Variants in MBNL1 observed in about 807,000 individuals in gnomAD.
MBNL1 encodes the protein muscleblind like splicing regulator 1.
A neutral mutation model predicts 42.2 loss-of-function variants in MBNL1; 8 were observed. The ratio of observed to expected loss-of-function variants is 0.19; its 90% CI spans 0.11 to 0.34. MBNL1 has a LOEUF of 0.34. MBNL1 is among the 10% of genes least tolerant of loss of function. The probability of loss-of-function intolerance (pLI) is 1.00; values close to 1 mark genes in which losing one functional copy is unlikely to be tolerated. For missense variants in MBNL1, 309 were observed against 495.3 expected (o/e 0.62, Z 3.57); for synonymous variants, 169 against 173.9 (o/e 0.97, Z 0.22).
intron 2 of MBNL1, among the ~76,000 whole-genome samples, chr3:152,328,523 A>G (rs1049810245): frequency 3.3e-5 from 5 of 152,210 alleles, no homozygotes. Flanking sequence ...ATTTGAGATT[A>G]GGGTTGAGGC....
At chr3:152,401,530 G>A (rs938770087) in intron 2 of MBNL1, among the ~76,000 whole-genome samples, 1 of 152,156 alleles carries the variant, frequency 6.6e-6, no homozygotes, top group Non-Finnish European at 1.5e-5. Flanking sequence ...TACTCTAGGA[G>A]CTACTGTTTC....
intron 8 of MBNL1, chr3:152,458,958 T>G: frequency 6.2e-6 from 1 of 160,514 alleles, no homozygotes; most frequent in Non-Finnish European, 1.3e-5. Context: ...CGGGGGTGCG[T>G]GTGTGTGTGT....
chr3:152,390,189 A>T (rs943500880), intron 2 of MBNL1, among the ~76,000 whole-genome samples: 1 of 151,740 alleles, frequency 6.6e-6, no homozygotes, highest in African/African-American at 2.4e-5. Flanking sequence ...TTGTAATAAC[A>T]CTTAGCTTAA....
At chr3:152,314,611 G>A (rs2069423434) in intron 2 of MBNL1, among the ~76,000 whole-genome samples, 1 of 152,130 alleles carries the variant, frequency 6.6e-6, no homozygotes, top group South Asian at 2.1e-4. Flanking sequence ...CCAACCTCAG[G>A]CGATCCGCCT....
intron 3 of MBNL1, among the ~76,000 whole-genome samples, chr3:152,419,280 C>T (rs1027362207): frequency 3.9e-5 from 6 of 151,944 alleles, no homozygotes; most frequent in Non-Finnish European, 4.4e-5. Context: ...TGGAATTGCC[C>T]GGGCAAGATG....
At chr3:152,450,756 C>T (rs1349488370) in intron 6 of MBNL1, among the ~76,000 whole-genome samples, 1 of 152,130 alleles carries the variant, frequency 6.6e-6, no homozygotes, top group African/African-American at 2.4e-5. Flanking sequence ...ACACAGTAGC[C>T]CTGACATACA....
intron 2 of MBNL1, among the ~76,000 whole-genome samples, chr3:152,314,037 T>C (rs1449748205): frequency 1.3e-5 from 2 of 152,206 alleles, no homozygotes; most frequent in African/African-American, 2.4e-5. Flanking sequence ...TACTTGATAT[T>C]TCAAATGCTG....
chr3:152,304,912 ATT>A (rs1410199461), intron 2 of MBNL1, among the ~76,000 whole-genome samples: 2 of 152,170 alleles, frequency 1.3e-5, no homozygotes, highest in Non-Finnish European at 2.9e-5. Context: ...TTTTTAGACT[ATT>A]AGATAAATTG....
At chr3:152,270,610 A>G (rs912620527) in intron 1 of MBNL1, among the ~76,000 whole-genome samples, 9 of 152,224 alleles carry the variant, frequency 5.9e-5, no homozygotes, top group Admixed American at 1.3e-4. Context: ...GTGCAGTTCA[A>G]TACTTAGAAT....
intron 2 of MBNL1, among the ~76,000 whole-genome samples, chr3:152,403,464 G>A (rs1432869010): frequency 6.6e-6 from 1 of 152,016 alleles, no homozygotes; most frequent in Non-Finnish European, 1.5e-5. Context: ...TTATTTGTAT[G>A]TTTATTGTTA....
intron 2 of MBNL1, among the ~76,000 whole-genome samples, chr3:152,369,802 G>A (rs1220765843): frequency 1.3e-5 from 2 of 152,150 alleles, no homozygotes; most frequent in Non-Finnish European, 2.9e-5. Flanking sequence ...TTGCATAGAC[G>A]TATTTATAGC....
At chr3:152,366,766 T>C (rs1431067918) in intron 2 of MBNL1, among the ~76,000 whole-genome samples, 2 of 152,174 alleles carry the variant, frequency 1.3e-5, no homozygotes, top group Non-Finnish European at 2.9e-5. Flanking sequence ...GTTGTTTTTG[T>C]TGTGAAAATT....
intron 2 of MBNL1, among the ~76,000 whole-genome samples, chr3:152,395,814 G>T (rs756125298): frequency 6.6e-6 from 1 of 152,222 alleles, no homozygotes; most frequent in Non-Finnish European, 1.5e-5. Flanking sequence ...TGCCTAGCGG[G>T]AATGTTCACA....
chr3:152,298,819 A>T (rs2059655228), intron 1 of MBNL1, among the ~76,000 whole-genome samples: 1 of 152,184 alleles, frequency 6.6e-6, no homozygotes, highest in Non-Finnish European at 1.5e-5. Flanking sequence ...TCAGGACAGC[A>T]GGAGCAGGCT....
intron 2 of MBNL1, among the ~76,000 whole-genome samples, chr3:152,376,454 T>C (rs1450622302): frequency 6.6e-6 from 1 of 152,196 alleles, no homozygotes; most frequent in Non-Finnish European, 1.5e-5. Context: ...AAAAAGAAGC[T>C]CTTGAGAGTG....
intron 2 of MBNL1, among the ~76,000 whole-genome samples, chr3:152,390,080 G>A (rs2097638047): frequency 6.6e-6 from 1 of 151,382 alleles, no homozygotes; most frequent in Non-Finnish European, 1.5e-5. Flanking sequence ...ATATTGGCCA[G>A]GCTGGTCTCG....
chr3:152,273,894 G>T lies in MBNL1; in HGVS notation c.-790+4802G>T, dbSNP rs376461147. ...CCTGTGAAGTGTGAACATACAATTT[G>T]TATGTAACGCATGCATGAGCATATA... On this transcript the variant is annotated intron_variant, in intron 1 of 9. Coordinates refer to ENST00000324210, the MANE Select transcript of MBNL1 (RefSeq NM_021038.5). Among the ~76,000 whole-genome samples the T allele has an allele frequency of 5.5e-4, 83 of 152,252 alleles. No individual in the cohort carries two copies. The South Asian group carries it at 0.017, about 31-fold the overall frequency.
At chr3:152,310,674 A>G (rs1469072342) in intron 2 of MBNL1, among the ~76,000 whole-genome samples, 3 of 152,192 alleles carry the variant, frequency 2.0e-5, no homozygotes, top group African/African-American at 7.2e-5. Flanking sequence ...TTGCTTGTTT[A>G]GATTTTCTCA....
chr3:152,389,866 AATTT>A (rs951896366), intron 2 of MBNL1, among the ~76,000 whole-genome samples: 108 of 152,038 alleles, frequency 7.1e-4, no homozygotes, highest in Middle Eastern at 3.4e-3. Context: ...ACCTTAATGT[AATTT>A]ATTTATTTAT....
Sources: gnomAD v4.1 joint callset for allele counts (sites outside exome capture counted in the v4.1 genomes callset) on GRCh38, gnomAD v4.1.1 for gene constraint, MANE v1.5 for transcripts, NCBI Gene and HGNC (gene_info 2026-07-23, HGNC 2026-07-21) for gene names.